The following SPOCK3 variants were observed in gnomAD, a reference collection of about 807,000 sequenced individuals.
The protein encoded by SPOCK3 is testican-3.
SPOCK3 carries 30 observed loss-of-function variants against 56.6 expected under a neutral mutation model. The ratio of observed to expected loss-of-function variants is 0.53; its 90% CI spans 0.40 to 0.72. The LOEUF is 0.72. Ranked by LOEUF, SPOCK3 falls within the 30% of genes least tolerant of loss-of-function variation. The pLI, the probability that SPOCK3 is intolerant of heterozygous loss-of-function variation, is 0.00. For synonymous variants in SPOCK3, 196 were observed against 183.3 expected, an observed-to-expected ratio of 1.07 and a Z score of -0.56; for missense variants, 527 against 530.0, an observed-to-expected ratio of 0.99 and a Z score of 0.06.
intron 2 of SPOCK3, among the ~76,000 whole-genome samples, chr4:167,148,803 A>G (rs902415249): frequency 2.6e-5 from 4 of 152,150 alleles, no homozygotes; most frequent in Non-Finnish European, 5.9e-5. Context: ...AATTAATTTC[A>G]TAAAGTTATT....
intron 6 of SPOCK3, among the ~76,000 whole-genome samples, chr4:166,838,009 C>G (rs186204469): frequency 6.6e-6 from 1 of 152,068 alleles, no homozygotes; most frequent in African/African-American, 2.4e-5. Context: ...TCTTCTTGCC[C>G]TCATCGTTTC....
chr4:167,029,580 C>T (rs1262930201), intron 3 of SPOCK3, among the ~76,000 whole-genome samples: 1 of 151,912 alleles, frequency 6.6e-6, no homozygotes, highest in Non-Finnish European at 1.5e-5. Flanking sequence ...ATTTACTTCC[C>T]TTCAATTTTA....
chr4:166,956,722 G>A (rs999517862), intron 4 of SPOCK3, among the ~76,000 whole-genome samples: 21 of 151,938 alleles, frequency 1.4e-4, no homozygotes, highest in African/African-American at 2.4e-4. Flanking sequence ...TCACATCTAA[G>A]CCCACTCCCT....
At chr4:166,765,516 T>C (rs1234473521) in intron 7 of SPOCK3, among the ~76,000 whole-genome samples, 1 of 152,210 alleles carries the variant, frequency 6.6e-6, no homozygotes, top group Non-Finnish European at 1.5e-5. Context: ...GTATTATTTC[T>C]GAGGGCTCTG....
intron 6 of SPOCK3, among the ~76,000 whole-genome samples, chr4:166,861,548 T>C (rs1225891079): frequency 1.3e-5 from 2 of 152,116 alleles, no homozygotes. Context: ...GCAATACGTT[T>C]GTTGAAGATT....
chr4:166,827,169 T>C (rs540626001), intron 6 of SPOCK3, among the ~76,000 whole-genome samples: 13 of 152,222 alleles, frequency 8.5e-5, no homozygotes, highest in African/African-American at 2.9e-4. Context: ...GCCTGAAAAT[T>C]AGAATTAACT....
At chr4:166,956,251 A>G (rs1161541936) in intron 4 of SPOCK3, among the ~76,000 whole-genome samples, 1 of 148,470 alleles carries the variant, frequency 6.7e-6, no homozygotes, top group African/African-American at 2.5e-5. Flanking sequence ...TTCTTTTCCT[A>G]TAGATCCATA....
At chr4:167,009,027 A>T (rs1749751924) in intron 3 of SPOCK3, among the ~76,000 whole-genome samples, 1 of 152,148 alleles carries the variant, frequency 6.6e-6, no homozygotes, top group Non-Finnish European at 1.5e-5. Flanking sequence ...AAAAAATTTT[A>T]AAAAATAAAA....
chr4:167,157,607 A>C (rs1288614348), intron 2 of SPOCK3, among the ~76,000 whole-genome samples: 1 of 147,592 alleles, frequency 6.8e-6, no homozygotes, highest in Non-Finnish European at 1.5e-5. Flanking sequence ...TCAGATAGGA[A>C]AGGTTTTTTT....
intron 2 of SPOCK3, among the ~76,000 whole-genome samples, chr4:167,127,852 T>G (rs2150375874): frequency 6.6e-6 from 1 of 152,356 alleles, no homozygotes; most frequent in East Asian, 1.9e-4. Context: ...TTCTTCAAAC[T>G]TTGGTTTCCC....
chr4:166,794,394 G>A (rs183467530), intron 6 of SPOCK3, among the ~76,000 whole-genome samples: 117 of 151,978 alleles, frequency 7.7e-4, no homozygotes, highest in African/African-American at 2.6e-3. Context: ...TTGTGTAAGC[G>A]TCACATATCT....
chr4:167,094,953 T>C (rs991494532), intron 2 of SPOCK3, among the ~76,000 whole-genome samples: 1 of 151,984 alleles, frequency 6.6e-6, no homozygotes, highest in African/African-American at 2.4e-5. Context: ...TGAGTCTGAG[T>C]GGGACAATGG....
intron 2 of SPOCK3, among the ~76,000 whole-genome samples, chr4:167,083,989 G>A (rs1043729401): frequency 6.6e-6 from 1 of 152,048 alleles, no homozygotes; most frequent in African/African-American, 2.4e-5. Flanking sequence ...TAGCAGAAAG[G>A]TCAGGTGTTT....
chr4:167,197,586 G>A (rs897737916), intron 2 of SPOCK3, among the ~76,000 whole-genome samples: 57 of 150,356 alleles, frequency 3.8e-4, no homozygotes, highest in African/African-American at 1.4e-3. Flanking sequence ...GATTGTACTC[G>A]AATGTCTTCA....
intron 6 of SPOCK3, among the ~76,000 whole-genome samples, chr4:166,814,366 T>G (rs1318991421): frequency 6.6e-6 from 1 of 152,042 alleles, no homozygotes; most frequent in African/African-American, 2.4e-5. Flanking sequence ...TTTTTAGGTG[T>G]GTCCATGAGG....
intron 2 of SPOCK3, among the ~76,000 whole-genome samples, chr4:167,219,359 G>A (rs1735674428): frequency 6.6e-6 from 1 of 152,154 alleles, no homozygotes; most frequent in South Asian, 2.1e-4. Flanking sequence ...AGAGTATCTT[G>A]CCTATTGTAC....
At chr4:167,147,126 G>T (rs985186437) in intron 2 of SPOCK3, among the ~76,000 whole-genome samples, 11 of 152,012 alleles carry the variant, frequency 7.2e-5, no homozygotes, top group Admixed American at 3.3e-4. Context: ...TGATAAAGGG[G>T]ATATCACCAC....
At chr4:166,972,028 T>G (rs755144580) in intron 4 of SPOCK3, among the ~76,000 whole-genome samples, 2 of 152,146 alleles carry the variant, frequency 1.3e-5, no homozygotes, top group African/African-American at 4.8e-5. Flanking sequence ...ATAATTGTGC[T>G]AATCCAAGTT....
At chr4:166,762,366 G>C (rs2318486) in intron 7 of SPOCK3, among the ~76,000 whole-genome samples, 69,771 of 151,866 alleles carry the variant, frequency 0.46, 16,544 homozygotes, top group African/African-American at 0.51. Flanking sequence ...AGCAATGTTG[G>C]TGTGAGATTT....
Sources: allele counts gnomAD v4.1 joint callset (sites outside exome capture counted in the v4.1 genomes callset), GRCh38; gene constraint gnomAD v4.1.1; transcripts MANE v1.5; gene names NCBI Gene and HGNC (gene_info 2026-07-23, HGNC 2026-07-21).